The following GRIN2B variants were observed in gnomAD, a reference collection of about 807,000 sequenced individuals.
GRIN2B encodes the protein glutamate ionotropic receptor NMDA type subunit 2B.
In GRIN2B, 5 loss-of-function variants were observed where a neutral mutation model predicts 114.5. That is an observed-to-expected ratio of 0.04 (90% CI 0.02 to 0.09). The LOEUF (loss-of-function observed/expected upper bound fraction) is 0.09. GRIN2B is among the 10% of genes least tolerant of loss of function. GRIN2B has a pLI of 1.00. For synonymous variants in GRIN2B, 787 were observed against 745.1 expected, an observed-to-expected ratio of 1.06 and a Z score of -0.92; for missense variants, 1,108 against 1,943.5, an observed-to-expected ratio of 0.57 and a Z score of 8.08.
intron 10 of GRIN2B, among the ~76,000 whole-genome samples, chr12:13,605,560 C>CTCTCTG (rs1335507349): frequency 6.7e-6 from 1 of 148,564 alleles, no homozygotes; most frequent in Non-Finnish European, 1.5e-5. Context: ...CTGACACACA[C>CTCTCTG]ACACACACAC....
At chr12:13,821,060 C>T (rs1307982917) in intron 3 of GRIN2B, among the ~76,000 whole-genome samples, 1 of 152,028 alleles carries the variant, frequency 6.6e-6, no homozygotes, top group African/African-American at 2.4e-5. Context: ...CCGAGAACCA[C>T]TCGATGTGCC....
At chr12:13,600,487 ATG>A (rs750434434) in intron 10 of GRIN2B, among the ~76,000 whole-genome samples, 1 of 147,110 alleles carries the variant, frequency 6.8e-6, no homozygotes, top group African/African-American at 2.4e-5. Flanking sequence ...GAGGGTAGGG[ATG>A]TGTGTGTGCA....
chr12:13,780,603 G>A (rs1864091164), intron 3 of GRIN2B, among the ~76,000 whole-genome samples: 1 of 152,174 alleles, frequency 6.6e-6, no homozygotes, highest in Admixed American at 6.5e-5. Context: ...TAGATAGTGG[G>A]AAGGGAATGT....
chr12:13,974,317 G>A (rs1170676612), intron 2 of GRIN2B, among the ~76,000 whole-genome samples: 1 of 152,252 alleles, frequency 6.6e-6, no homozygotes, highest in Non-Finnish European at 1.5e-5. Flanking sequence ...CTAGAGGCAA[G>A]TCTAATAAAC....
intron 4 of GRIN2B, among the ~76,000 whole-genome samples, chr12:13,731,991 C>G (rs1035989712): frequency 6.6e-6 from 1 of 152,138 alleles, no homozygotes; most frequent in Non-Finnish European, 1.5e-5. Flanking sequence ...AACACTCATT[C>G]AGCCATGGGT....
intron 2 of GRIN2B, among the ~76,000 whole-genome samples, chr12:13,868,932 T>C (rs1029417115): frequency 2.0e-5 from 3 of 152,162 alleles, no homozygotes; most frequent in African/African-American, 7.2e-5. Flanking sequence ...AGGGGATTCA[T>C]TGAGGGAAAG....
rs750557369 is a variant in GRIN2B, at chr12:13,675,795, G to T, written c.1075C>A (p.His359Asn). The T allele has an allele frequency of 6.2e-7, 1 of 1,611,780 alleles. No individual in the cohort carries two copies. The highest frequency in any genetic ancestry group is 1.1e-5 in the South Asian group (1 of 91,034). ...LSFSEDGYQM[H>N]PKLVIILLNK... ...AGAAGAATTATCACCAGTTTCGGGT[G>T]CATCTGGTAGCCATCTTCACTGAAG... The change falls in exon 5 of 14, where the codon CAC becomes AAC. Residue 359 changes from histidine (H) to asparagine (N), a missense_variant. His to Asn is a moderately conservative substitution (Grantham distance 68). Transcript: ENST00000609686.
At chr12:13,797,686 AG>A (rs1864441041) in intron 3 of GRIN2B, among the ~76,000 whole-genome samples, 1 of 152,260 alleles carries the variant, frequency 6.6e-6, no homozygotes, top group African/African-American at 2.4e-5. Flanking sequence ...AAATTCAGCA[AG>A]AGTTTCATGA....
chr12:13,924,327 G>A (rs1368829887), intron 2 of GRIN2B, among the ~76,000 whole-genome samples: 4 of 152,232 alleles, frequency 2.6e-5, no homozygotes, highest in African/African-American at 4.8e-5. Context: ...TGTGGGCAGA[G>A]TCTAAGGGAA....
intron 2 of GRIN2B, among the ~76,000 whole-genome samples, chr12:13,897,340 C>G (rs2136783420): frequency 6.6e-6 from 1 of 152,254 alleles, no homozygotes; most frequent in East Asian, 1.9e-4. Context: ...AAAAGACTCC[C>G]CAGCCCTGCC....
At chr12:13,730,502 GA>G (rs1189862418) in intron 4 of GRIN2B, among the ~76,000 whole-genome samples, 2 of 152,116 alleles carry the variant, frequency 1.3e-5, no homozygotes, top group Admixed American at 1.3e-4. Context: ...TATAGATGAA[GA>G]AGCAAGCCCA....
chr12:13,778,887 CTTTAA>C (rs143271841), intron 3 of GRIN2B, among the ~76,000 whole-genome samples: 2,427 of 149,336 alleles, frequency 0.016, 66 homozygotes, highest in African/African-American at 0.057. Context: ...AAATATTTTT[CTTTAA>C]TTTGAGGAAT....
rs778058932 is a variant in GRIN2B, at chr12:13,547,221, AG to A, written c.*15561del. ...CTGCCAGGAGGCTGGGAGGTGAGGA[AG>A]GGTTTCCAAGTAAGGAGCTTGGAAG... On this transcript the variant is annotated 3_prime_UTR_variant, in exon 14 of 14. Transcript: ENST00000609686. 1 of 152,214 alleles carries A rather than the reference AG, an allele frequency of 6.6e-6. No individual in the cohort carries two copies. Among genetic ancestry groups the A allele is most frequent in the Non-Finnish European group, 1.5e-5 (1 of 68,032 alleles). 9.4% of individuals were successfully genotyped at this position (152,214 alleles called of 1,614,324 possible).
chr12:13,880,820 TCACTC>T (rs1250781910), intron 2 of GRIN2B, among the ~76,000 whole-genome samples: 5 of 152,220 alleles, frequency 3.3e-5, no homozygotes, highest in Admixed American at 2.6e-4. Flanking sequence ...ACGCCTCTCT[TCACTC>T]ATCTCTAGCC....
intron 3 of GRIN2B, among the ~76,000 whole-genome samples, chr12:13,787,575 T>C (rs1171345796): frequency 6.6e-6 from 1 of 152,134 alleles, no homozygotes; most frequent in African/African-American, 2.4e-5. Flanking sequence ...AAAGATCTCA[T>C]GGGCGGAAGA....
intron 4 of GRIN2B, among the ~76,000 whole-genome samples, chr12:13,677,883 T>TAC (rs1435154703): frequency 6.6e-6 from 1 of 152,136 alleles, no homozygotes; most frequent in Admixed American, 6.6e-5. Flanking sequence ...ATTTTACTCT[T>TAC]TAAAGACCTG....
At chr12:13,675,495 A>G (rs1009363638) in intron 5 of GRIN2B, among the ~76,000 whole-genome samples, 2 of 152,202 alleles carry the variant, frequency 1.3e-5, no homozygotes, top group South Asian at 2.1e-4. Flanking sequence ...AAACAAAGTC[A>G]AGATTCAGAC....
rs202115787 is a variant in GRIN2B at position 13,753,697 on chromosome 12, G to A, written c.630C>T (p.Asp210=). Reference sequence around the variant, plus strand: ...GATTCTGGATCTTAGAATCTCCATCGTCCAGGGACATGTCCAGTAGGAGGA... The same window carrying A: ...GATTCTGGATCTTAGAATCTCCATCATCCAGGGACATGTCCAGTAGGAGGA... ...EEVLLLDMSL[D]DGDSKIQNQL... Residue 210 remains aspartate (D), a synonymous_variant, in exon 4 of 14, where the codon GAC becomes GAT. Transcript: ENST00000609686. The surrounding 1 kb of genome is among the most constrained non-coding windows in gnomAD (Gnocchi z 6.2). 34 of 1,613,968 alleles carry A rather than the reference G, an allele frequency of 2.1e-5. No individual in the cohort carries two copies. Among genetic ancestry groups the A allele is most frequent in the South Asian group, 5.5e-5 (5 of 91,080 alleles).
At chr12:13,597,058 A>T in intron 10 of GRIN2B, among the ~76,000 whole-genome samples, 1 of 152,230 alleles carries the variant, frequency 6.6e-6, no homozygotes, top group Non-Finnish European at 1.5e-5. Flanking sequence ...CAAATCCTGG[A>T]ACCCTCACTT....
Sources: gnomAD v4.1 joint callset for allele counts (sites outside exome capture counted in the v4.1 genomes callset) on GRCh38, gnomAD v4.1.1 for gene constraint, Gnocchi (gnomAD v3.1) non-coding constraint, MANE v1.5 for transcripts, NCBI Gene and HGNC (gene_info 2026-07-23, HGNC 2026-07-21) for gene names.